The following PPP1CC variants were observed in gnomAD, a reference collection of about 807,000 sequenced individuals.
PPP1CC encodes the protein serine/threonine-protein phosphatase PP1-gamma catalytic subunit.
PPP1CC carries 16 observed loss-of-function variants against 38.4 expected under a neutral mutation model. The ratio of observed to expected loss-of-function variants is 0.42; its 90% CI spans 0.28 to 0.63. PPP1CC has a LOEUF of 0.63. PPP1CC is among the 30% of genes least tolerant of loss of function. The pLI is 0.25. For missense variants in PPP1CC, 170 were observed against 391.3 expected (o/e 0.43, Z 4.77); for synonymous variants, 158 against 136.0 (o/e 1.16, Z -1.13).
chr12:110,742,530 G>A, intron 1 of PPP1CC, 123 bp downstream of exon 1: 2 of 796,854 alleles, frequency 2.5e-6, no homozygotes, highest in Non-Finnish European at 3.5e-6. Context: ...GCCAACTCGA[G>A]GAGCTCACTC....
chr12:110,720,045 G>A lies in PPP1CC; in HGVS notation c.*1031C>T. ...GGTACTGTGAGTTCTGTATAAACTG[G>A]TGGACAGTAAGTTAGTTCCTTTGTT... On this transcript the variant is annotated 3_prime_UTR_variant, in exon 7 of 7. Transcript: ENST00000335007. The A allele has an allele frequency of 8.5e-7, 1 of 1,172,436 alleles. No homozygotes were observed. The highest frequency in any genetic ancestry group is 1.2e-6 in the Non-Finnish European group (1 of 832,280). 72.6% of individuals were successfully genotyped at this position (1,172,436 alleles called of 1,614,324 possible).
intron 3 of PPP1CC, among the ~76,000 whole-genome samples, chr12:110,728,408 A>AAAAAAC (rs1566084584): frequency 8.0e-4 from 119 of 148,554 alleles, no homozygotes; most frequent in African/African-American, 2.8e-3. Flanking sequence ...AAAAAAAAAA[A>AAAAAAC]AAAAAACAAA....
downstream of PPP1CC, among the ~76,000 whole-genome samples, chr12:110,715,558 T>C (rs1020688383): frequency 6.6e-6 from 1 of 151,992 alleles, no homozygotes; most frequent in Non-Finnish European, 1.5e-5. Flanking sequence ...AAAAATTTAA[T>C]TGATACCATT....
intron 2 of PPP1CC, 36 bp from the exon 3 acceptor site, chr12:110,730,795 A>C (rs780781550): frequency 7.1e-7 from 1 of 1,398,614 alleles, no homozygotes; most frequent in Non-Finnish European, 9.9e-7. Context: ...GTGTTCCCAT[A>C]CTTAAAGCTC....
chr12:110,716,968 C>T (rs1167260995), downstream of PPP1CC, among the ~76,000 whole-genome samples: 1 of 152,220 alleles, frequency 6.6e-6, no homozygotes, highest in Non-Finnish European at 1.5e-5. Flanking sequence ...ATCATTTCCA[C>T]TCTTCTGAAG....
downstream of PPP1CC, among the ~76,000 whole-genome samples, chr12:110,717,045 A>G (rs1398010595): frequency 6.6e-6 from 1 of 152,260 alleles, no homozygotes; most frequent in East Asian, 1.9e-4. Context: ...TTTCCTAATC[A>G]AAGTTCCTGT....
At chr12:110,735,476 T>C (rs1185808090) in intron 1 of PPP1CC, among the ~76,000 whole-genome samples, 3 of 152,194 alleles carry the variant, frequency 2.0e-5, no homozygotes, top group South Asian at 2.1e-4. Flanking sequence ...CTGTTCTACA[T>C]TGAACTTCAA....
At chr12:110,729,603 C>A (rs1193568747) in intron 3 of PPP1CC, among the ~76,000 whole-genome samples, 2 of 152,162 alleles carry the variant, frequency 1.3e-5, no homozygotes, top group Non-Finnish European at 2.9e-5. Flanking sequence ...TAAAAATAAT[C>A]TTTGTTCAGC....
downstream of PPP1CC, among the ~76,000 whole-genome samples, chr12:110,715,931 C>T (rs550689880): frequency 3.9e-4 from 59 of 150,824 alleles, no homozygotes; most frequent in African/African-American, 1.4e-3. Context: ...AGTATGCTAC[C>T]TTCTTAGCAC....
At chr12:110,719,263 G>A (rs2069712613), downstream of PPP1CC, among the ~76,000 whole-genome samples, 2 of 152,280 alleles carry the variant, frequency 1.3e-5, no homozygotes, top group Admixed American at 1.3e-4. Context: ...TTTGATGGGA[G>A]CATGGCAGGG....
the PPP1CC span, among the ~76,000 whole-genome samples, chr12:110,712,635 CAAAAAAAAAAAA>C: frequency 1.3e-4 from 5 of 37,666 alleles, no homozygotes; most frequent in East Asian, 1.2e-3. Flanking sequence ...GAAACTGTCT[CAAAAAAAAAAAA>C]AAAAAAAAAA....
In PPP1CC at chr12:110,740,225, C is replaced by A. The variant is rs150202254; in HGVS notation, c.55+2428G>T. On this transcript the variant is annotated intron_variant, in intron 1 of 6. Coordinates refer to ENST00000335007, the MANE Select transcript of PPP1CC (RefSeq NM_002710.4). ...TCTGGCCAAAGTCACAAGTCATATT[C>A]CCTCTACTTTCAGATATACTTACAT... Among the ~76,000 whole-genome samples, 213 of 152,184 alleles carry A rather than the reference C, an allele frequency of 1.4e-3. 1 individual carries two copies. Among genetic ancestry groups the A allele is most frequent in the African/African-American group, 4.8e-3 (199 of 41,482 alleles).
Position 110,742,801 on chromosome 12 carries a change from G to T in PPP1CC, c.-94C>A. On this transcript the variant is annotated 5_prime_UTR_variant, in exon 1 of 7. Coordinates refer to ENST00000335007, the MANE Select transcript of PPP1CC (RefSeq NM_002710.4). ...TTCCCACGCCACGAGCAGAGGCGGT[G>T]GTGGCGGCGGTGGCAGCAGCCGCGG... is the stretch of plus-strand genomic sequence containing the variant. 1.9e-6 allele frequency: 2 copies of T among 1,048,784 alleles called. No individual in the cohort carries two copies. Among genetic ancestry groups the T allele is most frequent in the South Asian group, 3.6e-5 (1 of 27,866 alleles). The allele number at this position is 1,048,784 out of a possible 1,614,324, so 65.0% of individuals were successfully genotyped here.
chr12:110,717,517 CTGAG>C (rs1439954360), downstream of PPP1CC, among the ~76,000 whole-genome samples: 4 of 152,188 alleles, frequency 2.6e-5, no homozygotes, highest in African/African-American at 9.6e-5. Context: ...CCTCAGGCTC[CTGAG>C]TAACTGGGAC....
chr12:110,721,219 A>G, intron 6 of PPP1CC, 54 bp from the exon 7 acceptor site: 6 of 1,470,466 alleles, frequency 4.1e-6, no homozygotes, highest in Non-Finnish European at 3.8e-6. Context: ...CCAAATCTTA[A>G]GAGTCCTTAA....
downstream of PPP1CC, among the ~76,000 whole-genome samples, chr12:110,717,948 C>T (rs2069700499): frequency 6.6e-6 from 1 of 152,130 alleles, no homozygotes; most frequent in Non-Finnish European, 1.5e-5. Context: ...ATCATGATGC[C>T]TTAACTTGGT....
In PPP1CC at chr12:110,730,514, T is replaced by C. The variant is rs753636507; in HGVS notation, c.418+15A>G. Reference sequence around the variant, plus strand: ...AATTTCAATAACTCTTCCTTAGATATAGAAAAGTACTTACATTCATCATAA... The same window carrying C: ...AATTTCAATAACTCTTCCTTAGATACAGAAAAGTACTTACATTCATCATAA... On this transcript the variant is annotated intron_variant, in intron 3 of 6. Coordinates refer to ENST00000335007, the MANE Select transcript of PPP1CC (RefSeq NM_002710.4). 1 of 1,544,910 alleles carries C rather than the reference T, an allele frequency of 6.5e-7. No individual in the cohort carries two copies. Among genetic ancestry groups the C allele is most frequent in the South Asian group, 1.2e-5 (1 of 85,784 alleles).
intron 1 of PPP1CC, chr12:110,732,239 G>C (rs568597488): frequency 2.0e-5 from 8 of 399,470 alleles, no homozygotes; most frequent in Non-Finnish European, 3.1e-5. Flanking sequence ...GGCAGATCAT[G>C]ATGAGGTCAA....
intron 1 of PPP1CC, among the ~76,000 whole-genome samples, chr12:110,733,972 T>C (rs1166564746): frequency 6.6e-6 from 1 of 152,206 alleles, no homozygotes; most frequent in Non-Finnish European, 1.5e-5. Context: ...TCAGTTATCA[T>C]ACAACTGCTC....
Sources: gnomAD v4.1 joint callset for allele counts (sites outside exome capture counted in the v4.1 genomes callset) on GRCh38, gnomAD v4.1.1 for gene constraint, MANE v1.5 for transcripts, NCBI Gene and HGNC (gene_info 2026-07-23, HGNC 2026-07-21) for gene names.